The following SYNE2 variants were observed in gnomAD, a reference collection of about 807,000 sequenced individuals.
SYNE2 encodes spectrin repeat containing nuclear envelope protein 2, also known as nesprin-2.
In SYNE2, 431 loss-of-function variants were observed where a neutral mutation model predicts 856.3. The ratio of observed to expected loss-of-function variants is 0.50; its 90% CI spans 0.47 to 0.55. The LOEUF is 0.55. Ranked by LOEUF, SYNE2 falls within the 20% of genes least tolerant of loss-of-function variation. SYNE2 has a pLI of 0.00. For synonymous variants in SYNE2, 2,923 were observed against 2,872.3 expected, an observed-to-expected ratio of 1.02 and a Z score of -0.56; for missense variants, 8,129 against 8,023.2, an observed-to-expected ratio of 1.01 and a Z score of -0.50.
chr14:64,137,188 G>A (rs1407550287), intron 78 of SYNE2, among the ~76,000 whole-genome samples: 2 of 152,066 alleles, frequency 1.3e-5, no homozygotes, highest in African/African-American at 2.4e-5. Context: ...ATTTGGGTTG[G>A]TTGGTTGGTT....
chr14:63,967,838 G>A lies in SYNE2; in HGVS notation c.1120G>A (p.Asp374Asn), dbSNP rs371916462. Residue 374 changes from aspartate (D) to asparagine (N), a missense_variant, in exon 11 of 116, where the codon GAT (aspartate) becomes AAT (asparagine). Physicochemically the swap from Asp to Asn is conservative, Grantham distance 23 (BLOSUM62 1). Around this residue, in one of 3 missense-constraint regions of SYNE2, gnomAD observed 2,422 missense variants for 2,357.4 expected, o/e 1.03. Coordinates refer to ENST00000555002, the MANE Select transcript of SYNE2 (RefSeq NM_182914.3). ...LQLREAWDGL[D>N]HQINAWKIKL... ...GTTGAGAGAAGCCTGGGATGGCCTC[G>A]ATCACCAGGTGACTGTTTGTGTTGA... The A allele has an allele frequency of 1.7e-5, 28 of 1,613,786 alleles. No individual in the cohort carries two copies. Among genetic ancestry groups the A allele is most frequent in the African/African-American group, 2.7e-5 (2 of 74,904 alleles).
At chr14:63,896,324 C>A (rs1595499616) in intron 1 of SYNE2, among the ~76,000 whole-genome samples, 1 of 152,206 alleles carries the variant, frequency 6.6e-6, no homozygotes, top group East Asian at 1.9e-4. Context: ...CCTATCATAT[C>A]CTGCATAGTA....
At chr14:64,100,531 A>AAATATATATATAT (rs1491537041) in intron 63 of SYNE2, among the ~76,000 whole-genome samples, 8 of 39,482 alleles carry the variant, frequency 2.0e-4, no homozygotes, top group Non-Finnish European at 1.9e-4. Context: ...AAAAAAAAAA[A>AAATATATATATAT]ATATATATAT....
chr14:64,038,835 AAGAGAG>A lies in SYNE2; in HGVS notation c.7221+7479_7221+7484del, dbSNP rs370456397. ...CTCGGCATCAGAGGGAGACCGTGGA[AAGAGAG>A]GGAGAGGGAGACCGTGGGGAGAGGG... On this transcript the variant is annotated intron_variant, in intron 45 of 115. Coordinates refer to ENST00000555002, the MANE Select transcript of SYNE2 (RefSeq NM_182914.3). Among the ~76,000 whole-genome samples the A allele has an allele frequency of 6.5e-4, 99 of 151,934 alleles. 1 individual carries two copies. Among genetic ancestry groups the A allele is most frequent in the African/African-American group, 2.0e-3 (84 of 41,456 alleles).
In SYNE2 at chr14:64,126,478, AG is replaced by A; in HGVS notation, c.13707+1del. On this transcript the variant is annotated frameshift_variant and splice_region_variant, in exon 72 of 116. Coordinates refer to ENST00000555002, the MANE Select transcript of SYNE2 (RefSeq NM_182914.3). LOFTEE classifies it high-confidence loss of function. ...GGTTCTGGCCAGCAGGTGCACTACG[AG>A]GTAGGGCACTTCTCACGAGCCCATG... Reference protein sequence around the residue: ...EDGSGQQVHYETLALELKKLY... With the variant: ...EDGSGQQVHYXTLALELKKLY... The A allele has an allele frequency of 1.2e-6, 2 of 1,614,114 alleles. No individual in the cohort carries two copies.
chr14:63,993,020 G>C (rs187421510), intron 21 of SYNE2, among the ~76,000 whole-genome samples: 2 of 151,974 alleles, frequency 1.3e-5, no homozygotes, highest in South Asian at 2.1e-4. Flanking sequence ...TCTGTCATTC[G>C]CTAGTTACCT....
intron 1 of SYNE2, among the ~76,000 whole-genome samples, chr14:63,782,367 T>G (rs1430076994): frequency 7.0e-6 from 1 of 142,968 alleles, no homozygotes; most frequent in African/African-American, 2.6e-5. Context: ...ACTCAGGAGG[T>G]TGAGGCTGGA....
At chr14:63,872,613 G>T (rs1027927974) in intron 1 of SYNE2, among the ~76,000 whole-genome samples, 1 of 151,462 alleles carries the variant, frequency 6.6e-6, no homozygotes, top group Non-Finnish European at 1.5e-5. Flanking sequence ...AAAATTAGCC[G>T]CACGTGGTGG....
chr14:63,945,609 T>C (rs1315576637), intron 6 of SYNE2, among the ~76,000 whole-genome samples: 3 of 152,118 alleles, frequency 2.0e-5, no homozygotes, highest in African/African-American at 7.2e-5. Context: ...TTTTATTTGT[T>C]TGTTTTTTAT....
intron 110 of SYNE2, 42 bp downstream of exon 110, chr14:64,219,452 C>A: frequency 4.4e-6 from 7 of 1,582,110 alleles, no homozygotes; most frequent in Non-Finnish European, 6.1e-6. Context: ...TCAGAATGTG[C>A]ATGTGAACGC....
chr14:64,152,749 C>G, intron 85 of SYNE2, 33 bp downstream of exon 85: 14 of 1,612,942 alleles, frequency 8.7e-6, no homozygotes, highest in Non-Finnish European at 1.2e-5. Flanking sequence ...TGCTATTTCT[C>G]TTCACATATT....
At chr14:63,842,703 G>A (rs1243667183) in intron 1 of SYNE2, among the ~76,000 whole-genome samples, 2 of 152,014 alleles carry the variant, frequency 1.3e-5, no homozygotes, top group Non-Finnish European at 2.9e-5. Context: ...CAAATGACCC[G>A]CCGGCCTCGG....
intron 97 of SYNE2, among the ~76,000 whole-genome samples, chr14:64,187,858 T>A (rs1417502604): frequency 6.6e-6 from 1 of 152,222 alleles, no homozygotes. Flanking sequence ...TTAGTGAAAT[T>A]TAAACCTTTA....
intron 63 of SYNE2, among the ~76,000 whole-genome samples, chr14:64,101,572 G>C (rs1422754410): frequency 2.6e-5 from 4 of 151,966 alleles, no homozygotes; most frequent in Non-Finnish European, 5.9e-5. Flanking sequence ...CCTCCCAAAG[G>C]GCTGGGTTTA....
chr14:64,016,618 A>C lies in SYNE2; in HGVS notation c.4874A>C (p.Asp1625Ala). The change falls in exon 33 of 116, where the codon GAT (aspartate) becomes GCT (alanine). Residue 1625 changes from aspartate to alanine, a missense_variant. Transcript: ENST00000555002. ...GAAAAAGAGGCTAATATTATTGTGG[A>C]TAGATGGCTTGATGTAAGTGATAAT... ...PFEKEANIIVDRWLDINEKTE... is the reference protein window; with the variant it reads ...PFEKEANIIVARWLDINEKTE... The C allele has an allele frequency of 6.3e-7, 1 of 1,595,400 alleles. No homozygotes were observed. The highest frequency in any genetic ancestry group is 1.1e-5 in the South Asian group (1 of 88,492).
chr14:63,924,250 A>G lies in SYNE2; in HGVS notation c.79+15023A>G, dbSNP rs540983022. The stretch of plus-strand genomic sequence containing the variant: ...TCAACCCATGTGCCAATATTGCACT[A>G]TCTTGATTACTGTAGCTTTTAGTAA... On this transcript the variant is annotated intron_variant, in intron 2 of 115. Coordinates refer to ENST00000555002, the MANE Select transcript of SYNE2 (RefSeq NM_182914.3). 5.9e-5 allele frequency among the ~76,000 whole-genome samples: 9 copies of G among 152,192 alleles called. No individual in the cohort carries two copies. The South Asian group carries it at 8.3e-4, about 14-fold the overall frequency.
intron 64 of SYNE2, 128 bp from the exon 65 acceptor site, chr14:64,107,363 G>A (rs564046823): frequency 6.4e-5 from 52 of 818,422 alleles, no homozygotes; most frequent in Non-Finnish European, 9.4e-5. Flanking sequence ...TTTTCTAATC[G>A]TATCTGACTT....
At chr14:63,790,601 T>G (rs1887698644) in intron 1 of SYNE2, among the ~76,000 whole-genome samples, 1 of 152,142 alleles carries the variant, frequency 6.6e-6, no homozygotes. Context: ...AGAGGAGCAT[T>G]TCCAAGGTAT....
intron 107 of SYNE2, 48 bp downstream of exon 107, chr14:64,215,402 C>G: frequency 6.4e-7 from 1 of 1,572,306 alleles, no homozygotes; most frequent in Non-Finnish European, 8.8e-7. Flanking sequence ...TCCTGTGGCG[C>G]ACACTGCATC....
Sources: gnomAD v4.1 joint callset for allele counts (sites outside exome capture counted in the v4.1 genomes callset) on GRCh38, gnomAD v4.1.1 for gene constraint, gnomAD v4.1.1 regional missense constraint, MANE v1.5 for transcripts, NCBI Gene and HGNC (gene_info 2026-07-23, HGNC 2026-07-21) for gene names.